Variants in MTUS1 observed in about 807,000 individuals in gnomAD.
MTUS1 encodes microtubule-associated tumor suppressor 1.
A neutral mutation model predicts 120.8 loss-of-function variants in MTUS1; 109 were observed. That is an observed-to-expected ratio of 0.90 (90% CI 0.77 to 1.06). The LOEUF is 1.06. Ranked by LOEUF, MTUS1 falls within the 50% of genes least tolerant of loss-of-function variation. MTUS1 has a pLI of 0.00. For synonymous variants in MTUS1, 737 were observed against 550.5 expected, an observed-to-expected ratio of 1.34 and a Z score of -4.74; for missense variants, 2,210 against 1,486.3, an observed-to-expected ratio of 1.49 and a Z score of -8.01.
At chr8:17,692,586 T>C (rs1383619212) in intron 6 of MTUS1, among the ~76,000 whole-genome samples, 1 of 152,204 alleles carries the variant, frequency 6.6e-6, no homozygotes, top group Non-Finnish European at 1.5e-5. Context: ...GCATTCACAT[T>C]CTGCCTGCCT....
intron 3 of MTUS1, among the ~76,000 whole-genome samples, chr8:17,732,716 C>T (rs572221220): frequency 1.3e-5 from 2 of 152,250 alleles, no homozygotes; most frequent in African/African-American, 4.8e-5. Context: ...CCATCCATTC[C>T]CATCTCAGGT....
chr8:17,675,417 G>C (rs192885761), intron 7 of MTUS1, among the ~76,000 whole-genome samples, 165 bp from the exon 8 acceptor site: 1 of 152,316 alleles, frequency 6.6e-6, no homozygotes, highest in East Asian at 1.9e-4. Flanking sequence ...TTGTCCCTTA[G>C]CTGTTAAGGA....
intron 3 of MTUS1, among the ~76,000 whole-genome samples, chr8:17,726,695 T>G (rs560901259): frequency 2.6e-5 from 4 of 152,288 alleles, no homozygotes; most frequent in Admixed American, 2.0e-4. Context: ...AATACACACT[T>G]TAAAAATTTA....
At chr8:17,796,980 C>A (rs993901932) in intron 1 of MTUS1, among the ~76,000 whole-genome samples, 1 of 152,038 alleles carries the variant, frequency 6.6e-6, no homozygotes, top group Admixed American at 6.6e-5. Flanking sequence ...GGCATGGTGG[C>A]GCACACCTGT....
rs1027464214 is a variant in MTUS1 at position 17,696,797 on chromosome 8, T to C, written c.2624-12255A>G. On this transcript the variant is annotated intron_variant, in intron 6 of 14. Transcript: ENST00000693296. ...GATGTTTTCTGTCAGAAGTGTTTAG[T>C]ATACAGAAATCTTTTAGCATATTAA... is the stretch of plus-strand genomic sequence containing the variant. Among the ~76,000 whole-genome samples the C allele has an allele frequency of 7.9e-5, 12 of 152,346 alleles. No homozygotes were observed. The East Asian group carries it at 2.1e-3, about 27-fold the overall frequency.
At chr8:17,788,608 C>T (rs993705075) in intron 1 of MTUS1, among the ~76,000 whole-genome samples, 2 of 152,200 alleles carry the variant, frequency 1.3e-5, no homozygotes, top group African/African-American at 2.4e-5. Flanking sequence ...CATGTGCCAG[C>T]TGCCTGCAGT....
chr8:17,794,338 G>C (rs1334762702), intron 1 of MTUS1, among the ~76,000 whole-genome samples: 2 of 151,258 alleles, frequency 1.3e-5, no homozygotes, highest in Non-Finnish European at 3.0e-5. Flanking sequence ...CAAAAAAAAA[G>C]ATAAAAGAAA....
At chr8:17,722,203 G>A (rs752557719) in intron 4 of MTUS1, 22 of 1,031,222 alleles carry the variant, frequency 2.1e-5, no homozygotes, top group Admixed American at 5.4e-5. Context: ...GCCTCCTTAG[G>A]AGCATCAGAC....
chr8:17,698,696 A>G (rs1818452479), intron 6 of MTUS1, among the ~76,000 whole-genome samples: 1 of 152,172 alleles, frequency 6.6e-6, no homozygotes, highest in Non-Finnish European at 1.5e-5. Flanking sequence ...AGGGAGGAAG[A>G]GAAAATTTAA....
intron 7 of MTUS1, chr8:17,676,554 T>G (rs1813162675): frequency 3.5e-6 from 2 of 572,346 alleles, no homozygotes; most frequent in African/African-American, 3.7e-5. Context: ...ACAGGCAGCC[T>G]GTGATTACTT....
chr8:17,662,927 T>C (rs1710771944), intron 8 of MTUS1, among the ~76,000 whole-genome samples: 1 of 151,652 alleles, frequency 6.6e-6, no homozygotes, highest in Admixed American at 6.6e-5. Flanking sequence ...CAAACTCATG[T>C]ACAAAAACAT....
At chr8:17,742,825 G>C (rs1392499227) in intron 3 of MTUS1, among the ~76,000 whole-genome samples, 2 of 152,206 alleles carry the variant, frequency 1.3e-5, no homozygotes, top group Non-Finnish European at 2.9e-5. Flanking sequence ...ATTCTCACGT[G>C]TGTGGACACA....
intron 7 of MTUS1, among the ~76,000 whole-genome samples, chr8:17,676,983 T>C (rs572899143): frequency 6.6e-6 from 1 of 152,316 alleles, no homozygotes; most frequent in South Asian, 2.1e-4. Context: ...GGAAGTCAAG[T>C]CTAAACGCCA....
intron 5 of MTUS1, among the ~76,000 whole-genome samples, chr8:17,715,458 G>T (rs573408358): frequency 2.0e-5 from 3 of 152,200 alleles, no homozygotes; most frequent in African/African-American, 7.2e-5. Flanking sequence ...AAGTAATCAT[G>T]CATTTCTACT....
rs1480979494 is a variant in MTUS1 at position 17,682,486 on chromosome 8, C to T, written c.2838+1842G>A. Among the ~76,000 whole-genome samples the T allele has an allele frequency of 8.3e-5, 12 of 144,154 alleles. No homozygotes were observed. The Admixed American group carries it at 8.7e-4, about 10-fold the overall frequency. The allele number at this position is 144,154 out of a possible 152,430, so 94.6% of individuals were successfully genotyped here. ...TGAGCCCAGATCACGCCATTGCATA[C>T]CAGTCTGAGTGACAGAGCAAGACTC... is the stretch of plus-strand genomic sequence containing the variant. On this transcript the variant is annotated intron_variant, in intron 7 of 14. Transcript: ENST00000693296.
At chr8:17,674,699 T>A (rs1812726274) in intron 8 of MTUS1, 3 of 987,562 alleles carry the variant, frequency 3.0e-6, no homozygotes, top group Middle Eastern at 5.1e-4. Context: ...CCCCTCCAAA[T>A]AGTAAGATTA....
intron 1 of MTUS1, chr8:17,780,729 A>G (rs1463768806): frequency 3.3e-5 from 5 of 152,330 alleles, no homozygotes; most frequent in Admixed American, 3.3e-4. Context: ...TCCTTACAAT[A>G]TATTCTCAAA....
At chr8:17,782,847 G>A (rs1340379853) in intron 1 of MTUS1, among the ~76,000 whole-genome samples, 1 of 152,202 alleles carries the variant, frequency 6.6e-6, no homozygotes, top group African/African-American at 2.4e-5. Flanking sequence ...GGAGACAGAG[G>A]TGGGTGGATC....
chr8:17,656,839 A>G (rs1479125866), intron 8 of MTUS1, among the ~76,000 whole-genome samples: 1 of 151,948 alleles, frequency 6.6e-6, no homozygotes, highest in African/African-American at 2.4e-5. Flanking sequence ...TGGGAGGCCG[A>G]GGCAGGTGGA....
Sources: allele counts gnomAD v4.1 joint callset (sites outside exome capture counted in the v4.1 genomes callset), GRCh38; gene constraint gnomAD v4.1.1; transcripts MANE v1.5; gene names NCBI Gene and HGNC (gene_info 2026-07-23, HGNC 2026-07-21).